Variants in GPHN observed in about 807,000 individuals in gnomAD.
GPHN encodes the protein gephyrin.
In GPHN, 17 loss-of-function variants were observed where a neutral mutation model predicts 95.5. That is an observed-to-expected ratio of 0.18 (90% CI 0.12 to 0.27). GPHN has a LOEUF of 0.27. Ranked by LOEUF, GPHN falls within the 10% of genes least tolerant of loss-of-function variation. The pLI is 1.00. For missense variants in GPHN, 660 were observed against 978.1 expected (o/e 0.67, Z 4.34); for synonymous variants, 320 against 322.5 (o/e 0.99, Z 0.08).
At chr14:66,874,772 C>A (rs1332129196) in intron 4 of GPHN, among the ~76,000 whole-genome samples, 3 of 152,134 alleles carry the variant, frequency 2.0e-5, no homozygotes, top group African/African-American at 7.2e-5. Flanking sequence ...AAGACCAAAC[C>A]TACTTCTGAT....
At chr14:67,719,509 C>A in the GPHN span, among the ~76,000 whole-genome samples, 1 of 152,118 alleles carries the variant, frequency 6.6e-6, no homozygotes, top group African/African-American at 2.4e-5. Flanking sequence ...GGGTCTTGCT[C>A]TGTTGCCCAG....
chr14:67,095,728 G>T (rs1299685084), intron 12 of GPHN, among the ~76,000 whole-genome samples: 1 of 151,776 alleles, frequency 6.6e-6, no homozygotes, highest in Non-Finnish European at 1.5e-5. Context: ...GAATTGAACA[G>T]TGAGAACCCA....
At chr14:67,044,761 G>T (rs368389617) in intron 10 of GPHN, among the ~76,000 whole-genome samples, 7 of 148,904 alleles carry the variant, frequency 4.7e-5, no homozygotes, top group Non-Finnish European at 8.9e-5. Context: ...TCCTCCTCCT[G>T]TCTCCCTCTC....
chr14:67,250,062 T>G, the GPHN span, among the ~76,000 whole-genome samples: 4 of 152,200 alleles, frequency 2.6e-5, no homozygotes, highest in African/African-American at 9.7e-5. Flanking sequence ...CTGGTTGAGA[T>G]TCACTAGAGC....
chr14:66,689,640 A>G (rs149118294), intron 2 of GPHN, among the ~76,000 whole-genome samples: 12 of 152,284 alleles, frequency 7.9e-5, no homozygotes, highest in South Asian at 2.1e-4. Flanking sequence ...TTCTGCTTTA[A>G]ATGTTTGATA....
At chr14:66,881,196 T>C (rs1436803901) in intron 5 of GPHN, among the ~76,000 whole-genome samples, 2 of 151,942 alleles carry the variant, frequency 1.3e-5, no homozygotes, top group Non-Finnish European at 2.9e-5. Context: ...CTGTCACGTG[T>C]ACTGTAACAT....
chr14:67,660,097 T>G, the GPHN span: 2 of 623,228 alleles, frequency 3.2e-6, no homozygotes, highest in East Asian at 2.9e-5. Flanking sequence ...CTGAATGCCT[T>G]GCATAGTGCC....
intron 12 of GPHN, among the ~76,000 whole-genome samples, chr14:67,099,388 T>C (rs546841383): frequency 1.3e-5 from 2 of 152,170 alleles, no homozygotes; most frequent in African/African-American, 4.8e-5. Flanking sequence ...CCCAAAGTGC[T>C]GGGATGACAG....
At chr14:66,877,264 G>T (rs963545145) in intron 4 of GPHN, among the ~76,000 whole-genome samples, 1 of 152,020 alleles carries the variant, frequency 6.6e-6, no homozygotes, top group Non-Finnish European at 1.5e-5. Flanking sequence ...TTTATGACAA[G>T]CCCACAGCCA....
chr14:67,562,128 G>C, the GPHN span: 2 of 1,610,844 alleles, frequency 1.2e-6, no homozygotes, highest in African/African-American at 1.3e-5. Context: ...GTTTTTACCC[G>C]AATCACAGCT....
At chr14:67,315,958 T>C in the GPHN span, among the ~76,000 whole-genome samples, 1 of 152,272 alleles carries the variant, frequency 6.6e-6, no homozygotes, top group African/African-American at 2.4e-5. Flanking sequence ...ATGCTTCTTA[T>C]GTGTATGGAA....
At chr14:66,859,869 C>A (rs986610154) in intron 4 of GPHN, among the ~76,000 whole-genome samples, 1 of 151,800 alleles carries the variant, frequency 6.6e-6, no homozygotes, top group African/African-American at 2.4e-5. Context: ...ATAGCAGAAT[C>A]GATCAATCAG....
At chr14:66,614,846 T>A (rs2062935820) in intron 1 of GPHN, among the ~76,000 whole-genome samples, 1 of 151,994 alleles carries the variant, frequency 6.6e-6, no homozygotes, top group African/African-American at 2.4e-5. Flanking sequence ...TATTGACCCA[T>A]CCTCTAAGTT....
chr14:66,725,068 A>G (rs1003808261), intron 2 of GPHN, among the ~76,000 whole-genome samples: 3 of 152,224 alleles, frequency 2.0e-5, no homozygotes, highest in Admixed American at 6.5e-5. Flanking sequence ...TTAATGCAAT[A>G]GGACGGTGGC....
chr14:67,018,608 G>A (rs940153222), intron 9 of GPHN, among the ~76,000 whole-genome samples: 7 of 152,218 alleles, frequency 4.6e-5, no homozygotes, highest in Middle Eastern at 3.4e-3. Flanking sequence ...ATGTTCTGGC[G>A]TATCCCTACT....
intron 3 of GPHN, among the ~76,000 whole-genome samples, chr14:66,821,994 C>T (rs1340080286): frequency 2.0e-5 from 3 of 152,198 alleles, no homozygotes; most frequent in Non-Finnish European, 4.4e-5. Flanking sequence ...CTCTGTTACT[C>T]AGGCTAGAGT....
At chr14:67,605,665 A>G in the GPHN span, among the ~76,000 whole-genome samples, 13 of 152,280 alleles carry the variant, frequency 8.5e-5, no homozygotes, top group Non-Finnish European at 1.9e-4. Context: ...TTTATATTAA[A>G]TAAATTTATA....
the GPHN span, among the ~76,000 whole-genome samples, chr14:67,200,729 T>C: frequency 1.3e-5 from 2 of 152,216 alleles, no homozygotes; most frequent in Non-Finnish European, 2.9e-5. Context: ...TTTGATGTAC[T>C]TTACCTTATA....
At chr14:66,869,109 G>A (rs1048317880) in intron 4 of GPHN, among the ~76,000 whole-genome samples, 3 of 152,226 alleles carry the variant, frequency 2.0e-5, no homozygotes, top group East Asian at 3.9e-4. Flanking sequence ...AAAGAATCTG[G>A]TAATCAAATT....
Sources: allele counts gnomAD v4.1 joint callset (sites outside exome capture counted in the v4.1 genomes callset), GRCh38; gene constraint gnomAD v4.1.1; transcripts MANE v1.5; gene names NCBI Gene and HGNC (gene_info 2026-07-23, HGNC 2026-07-21).